TAAR9: variants seen among roughly 807,000 people sequenced by gnomAD.
TAAR9 encodes the protein trace amine-associated receptor 9.
For missense variants in TAAR9, 453 were observed against 409.4 expected (o/e 1.11, Z -0.92); for synonymous variants, 162 against 152.6 (o/e 1.06, Z -0.45).
At chr6:132,538,418 T>C in exon 1 of TAAR9, 1 of 1,613,866 alleles carries the variant, frequency 6.2e-7, no homozygotes, top group East Asian at 2.2e-5. Context: ...GTTTTGGGGC[T>C]GTGCTGGCAG....
exon 1 of TAAR9, chr6:132,538,332 T>C (rs1776247788): frequency 6.2e-7 from 1 of 1,612,646 alleles, no homozygotes; most frequent in Non-Finnish European, 8.5e-7. Context: ...GGAGCTGTGT[T>C]ACAAGAACGT....
At chr6:132,539,008 C>T (rs769624316) in exon 1 of TAAR9, 18 of 1,531,470 alleles carry the variant, frequency 1.2e-5, no homozygotes, top group Non-Finnish European at 1.4e-5. Flanking sequence ...CAAGCTCAGT[C>T]CTCCTCAGAG....
chr6:132,538,746 A>G (rs764787235), exon 1 of TAAR9: 1 of 1,613,638 alleles, frequency 6.2e-7, no homozygotes, highest in African/African-American at 1.3e-5. Flanking sequence ...AGGGATATGC[A>G]TTGTTCTTTC....
exon 1 of TAAR9, chr6:132,539,174 T>C: frequency 1.3e-6 from 2 of 1,590,112 alleles, no homozygotes; most frequent in Non-Finnish European, 8.5e-7. Context: ...TTTATGAGAT[T>C]TTAGTTTGGT....
chr6:132,538,957 T>A (rs1776258148), exon 1 of TAAR9: 10 of 1,550,680 alleles, frequency 6.4e-6, no homozygotes, highest in Non-Finnish European at 8.7e-6. Context: ...ATATTTTTGG[T>A]GGCCAAGCAT....
At chr6:132,538,708 A>C (rs1421864291) in exon 1 of TAAR9, 2 of 1,613,684 alleles carry the variant, frequency 1.2e-6, no homozygotes, top group East Asian at 2.2e-5. Flanking sequence ...CCTCTGACCT[A>C]TCCAACCAAG....
At chr6:132,538,779 A>T (rs1040927133) in exon 1 of TAAR9, 3 of 1,613,716 alleles carry the variant, frequency 1.9e-6, no homozygotes, top group Non-Finnish European at 2.5e-6. Context: ...TGTCACATAC[A>T]GCTTTTCGAT....
rs1776261674 is a variant in TAAR9 at position 132,539,224 on chromosome 6, CT to C, written c.938del (p.Phe313SerfsTer10). On this transcript the variant is annotated frameshift_variant, in exon 1 of 1. Transcript: ENST00000434551. LOFTEE classifies it low-confidence loss of function (END_TRUNC). ...TCAGCTATGAACCCCTTGATTTATG[CT>C]TTCTTTTACCAATGGTTTGGGAAGG... 6.2e-7 allele frequency: 1 copy of C among 1,611,820 alleles called. No individual in the cohort carries two copies. Among genetic ancestry groups the C allele is most frequent in the Non-Finnish European group, 8.5e-7 (1 of 1,178,976 alleles).
At chr6:132,539,319 G>C in exon 1 of TAAR9, 1 of 1,608,014 alleles carries the variant, frequency 6.2e-7, no homozygotes, top group Non-Finnish European at 8.5e-7. Context: ...ATTTTCTGAA[G>C]AAGTAGAGAC....
chr6:132,539,150 A>G, exon 1 of TAAR9: 2 of 1,577,866 alleles, frequency 1.3e-6, no homozygotes, highest in South Asian at 1.2e-5. Flanking sequence ...TGAATTTTAT[A>G]ACTCCTCCTT....
exon 1 of TAAR9, chr6:132,538,832 A>G (rs1244781001): frequency 1.2e-6 from 2 of 1,613,758 alleles, no homozygotes; most frequent in Non-Finnish European, 8.5e-7. Context: ...AGGAATTAGT[A>G]GTTGCTCTAA....
rs558506551 is a variant in TAAR9, at chr6:132,538,411, T to C, written c.122T>C (p.Phe41Ser). Residue 41 changes from phenylalanine to serine, a missense_variant, in exon 1 of 1, where the codon TTT becomes TCT. Transcript: ENST00000434551. The stretch of plus-strand genomic sequence containing the variant: ...TCTATCCTCTACGCCGTCCTTGGTT[T>C]TGGGGCTGTGCTGGCAGCGTTTGGA... 11 of 1,613,790 alleles carry C rather than the reference T, an allele frequency of 6.8e-6. No individual in the cohort carries two copies. The East Asian group carries it at 8.9e-5, about 13-fold the overall frequency.
At chr6:132,538,852 G>C in exon 1 of TAAR9, 1 of 1,613,578 alleles carries the variant, frequency 6.2e-7, no homozygotes, top group Non-Finnish European at 8.5e-7. Context: ...ACCTGTGTAG[G>C]AGGCTGCCAG....
At chr6:132,538,732 T>G (rs1776254800) in exon 1 of TAAR9, 10 of 1,613,780 alleles carry the variant, frequency 6.2e-6, no homozygotes, top group Non-Finnish European at 8.5e-6. Context: ...ACTGTGTCAG[T>G]TTCAGGGATA....
At position 132,538,341 on chromosome 6, in the gene TAAR9, G is replaced by A. The variant is rs758090122; in HGVS notation, c.52G>A (p.Val18Met). The A allele has an allele frequency of 5.6e-6, 9 of 1,612,976 alleles. No individual in the cohort carries two copies. Among genetic ancestry groups the A allele is most frequent in the Admixed American group, 5.0e-5 (3 of 59,860 alleles). The change falls in exon 1 of 1, where the codon GTG becomes ATG. Residue 18 changes from valine to methionine, a missense_variant. Coordinates refer to ENST00000434551, the Ensembl canonical transcript of TAAR9. ...GGCTGTGGAGCTGTGTTACAAGAAC[G>A]TGAACGAATCCTGCATTAAAACTCC...
chr6:132,538,930 T>C (rs1776257783), exon 1 of TAAR9: 1 of 1,584,376 alleles, frequency 6.3e-7, no homozygotes, highest in Non-Finnish European at 8.6e-7. Flanking sequence ...GTCGCCATGG[T>C]GTTTATATAC....
At chr6:132,538,542 G>C (rs756175812) in exon 1 of TAAR9, 4 of 1,609,318 alleles carry the variant, frequency 2.5e-6, no homozygotes, top group Non-Finnish European at 3.4e-6. Flanking sequence ...GGGAGTCACT[G>C]TGATGCCCTT....
chr6:132,539,013 T>C, exon 1 of TAAR9: 1 of 1,530,856 alleles, frequency 6.5e-7, no homozygotes, highest in South Asian at 1.3e-5. Flanking sequence ...TCAGTCCTCC[T>C]CAGAGAGTTA....
At chr6:132,539,293 C>G (rs61741985) in exon 1 of TAAR9, 1 of 1,611,778 alleles carries the variant, frequency 6.2e-7, no homozygotes, top group Admixed American at 1.7e-5. Context: ...AGGACTGATT[C>G]GTCAACAACT....
Sources: gnomAD v4.1 joint callset for allele counts on GRCh38, gnomAD v4.1.1 for gene constraint, MANE v1.5 for transcripts, NCBI Gene and HGNC (gene_info 2026-07-23, HGNC 2026-07-21) for gene names.